The following SLC2A13 variants were observed in gnomAD, a reference collection of about 807,000 sequenced individuals.
SLC2A13 encodes the protein solute carrier family 2 member 13.
A neutral mutation model predicts 64.4 loss-of-function variants in SLC2A13; 32 were observed. That is an observed-to-expected ratio of 0.50 (90% CI 0.37 to 0.67). The LOEUF is 0.67. Among genes scored for constraint, SLC2A13 ranks in the 30% least tolerant of loss-of-function variants. The pLI is 0.00. For synonymous variants in SLC2A13, 338 were observed against 327.1 expected (o/e 1.03, Z -0.36); for missense variants, 743 against 829.2 (o/e 0.90, Z 1.28).
At chr12:39,978,236 A>C (rs940930417) in intron 3 of SLC2A13, among the ~76,000 whole-genome samples, 16 of 152,184 alleles carry the variant, frequency 1.1e-4, no homozygotes, top group African/African-American at 3.9e-4. Context: ...ATCTCCCCCA[A>C]ATGGAAGAAC....
At chr12:39,947,280 C>G (rs1368529253) in intron 4 of SLC2A13, among the ~76,000 whole-genome samples, 2 of 152,158 alleles carry the variant, frequency 1.3e-5, no homozygotes, top group African/African-American at 2.4e-5. Context: ...TTTCTTTCCC[C>G]CTTTACTACT....
intron 3 of SLC2A13, among the ~76,000 whole-genome samples, chr12:39,959,939 C>T (rs1591951373): frequency 1.3e-5 from 2 of 152,262 alleles, no homozygotes; most frequent in South Asian, 4.1e-4. Context: ...GCATTAAGTC[C>T]CAGATGCATT....
intron 4 of SLC2A13, among the ~76,000 whole-genome samples, chr12:39,936,053 C>T (rs1325753275): frequency 4.6e-5 from 7 of 152,198 alleles, no homozygotes; most frequent in African/African-American, 7.2e-5. Context: ...CTTTGAACTT[C>T]GCTGAAAGCT....
intron 7 of SLC2A13, among the ~76,000 whole-genome samples, chr12:39,794,531 C>T (rs918277992): frequency 3.3e-5 from 5 of 152,166 alleles, no homozygotes; most frequent in Admixed American, 1.3e-4. Context: ...CTCAGCCAAT[C>T]GCAGTAGCCA....
chr12:40,060,187 G>A (rs1948396562), intron 1 of SLC2A13, among the ~76,000 whole-genome samples: 1 of 152,114 alleles, frequency 6.6e-6, no homozygotes, highest in Non-Finnish European at 1.5e-5. Context: ...ATAGACAGAT[G>A]TGGAAGGATG....
At chr12:40,067,932 C>G (rs952803151) in intron 1 of SLC2A13, among the ~76,000 whole-genome samples, 2 of 152,086 alleles carry the variant, frequency 1.3e-5, no homozygotes, top group African/African-American at 4.8e-5. Context: ...AAGAAAGGGT[C>G]TCACTCTGTC....
At chr12:39,830,075 T>C in intron 7 of SLC2A13, 28 bp downstream of exon 7, 1 of 1,612,824 alleles carries the variant, frequency 6.2e-7, no homozygotes, top group Non-Finnish European at 8.5e-7. Context: ...TATTATTATA[T>C]ATTCGTATGG....
intron 3 of SLC2A13, among the ~76,000 whole-genome samples, chr12:39,992,538 C>T (rs1947153956): frequency 6.6e-6 from 1 of 152,082 alleles, no homozygotes; most frequent in African/African-American, 2.4e-5. Flanking sequence ...TTGCCACTTT[C>T]CCCTGTCACT....
chr12:39,987,179 G>T (rs1947046381), intron 3 of SLC2A13, among the ~76,000 whole-genome samples: 1 of 152,102 alleles, frequency 6.6e-6, no homozygotes, highest in Admixed American at 6.6e-5. Flanking sequence ...TGGCAAGATT[G>T]CCATGAATGA....
At chr12:39,895,015 T>G (rs1004149318) in intron 4 of SLC2A13, among the ~76,000 whole-genome samples, 1 of 152,104 alleles carries the variant, frequency 6.6e-6, no homozygotes, top group Non-Finnish European at 1.5e-5. Flanking sequence ...AGGGAAGAGA[T>G]AGAATCATAA....
intron 4 of SLC2A13, among the ~76,000 whole-genome samples, chr12:39,900,375 T>G (rs936446902): frequency 6.6e-6 from 1 of 152,092 alleles, no homozygotes; most frequent in African/African-American, 2.4e-5. Context: ...GGGGATTATA[T>G]TAGGAAAAGA....
intron 7 of SLC2A13, among the ~76,000 whole-genome samples, chr12:39,790,326 C>T (rs1004829143): frequency 3.3e-5 from 5 of 149,678 alleles, no homozygotes; most frequent in African/African-American, 9.8e-5. Context: ...CCCACTAACG[C>T]GTCATCTAGC....
At chr12:39,819,489 T>C (rs1055401946) in intron 7 of SLC2A13, among the ~76,000 whole-genome samples, 10 of 152,194 alleles carry the variant, frequency 6.6e-5, no homozygotes, top group Admixed American at 4.6e-4. Context: ...CATTATTTGA[T>C]GTTCCTAAAA....
At chr12:39,919,821 A>G (rs533041345) in intron 4 of SLC2A13, among the ~76,000 whole-genome samples, 1 of 152,240 alleles carries the variant, frequency 6.6e-6, no homozygotes, top group South Asian at 2.1e-4. Flanking sequence ...TCCTCATCCA[A>G]GTCCAGATAT....
intron 1 of SLC2A13, among the ~76,000 whole-genome samples, chr12:40,063,462 TA>T (rs11420371): frequency 1.9e-4 from 26 of 138,976 alleles, no homozygotes; most frequent in Admixed American, 4.3e-4. Flanking sequence ...TCTAAATTAG[TA>T]AAAAAAAAAA....
intron 3 of SLC2A13, among the ~76,000 whole-genome samples, chr12:40,020,006 G>A (rs1947685937): frequency 6.6e-6 from 1 of 152,172 alleles, no homozygotes; most frequent in African/African-American, 2.4e-5. Flanking sequence ...TATTCAGTAA[G>A]ATACTGATTA....
At chr12:40,074,172 T>G (rs1938075811) in intron 1 of SLC2A13, among the ~76,000 whole-genome samples, 1 of 151,244 alleles carries the variant, frequency 6.6e-6, no homozygotes, top group Non-Finnish European at 1.5e-5. Flanking sequence ...AGACATTTTT[T>G]TTTTTTTTTT....
At chr12:39,902,392 A>T (rs1230322171) in intron 4 of SLC2A13, among the ~76,000 whole-genome samples, 5 of 152,024 alleles carry the variant, frequency 3.3e-5, no homozygotes, top group African/African-American at 1.2e-4. Context: ...ATGTACATAC[A>T]CATGAAGAGA....
At chr12:39,951,756 A>G (rs868542324) in intron 3 of SLC2A13, among the ~76,000 whole-genome samples, 1 of 152,192 alleles carries the variant, frequency 6.6e-6, no homozygotes, top group African/African-American at 2.4e-5. Flanking sequence ...ATGTGGGACT[A>G]CTTAAAAGTC....
Sources: allele counts gnomAD v4.1 joint callset (sites outside exome capture counted in the v4.1 genomes callset), GRCh38; gene constraint gnomAD v4.1.1; transcripts MANE v1.5; gene names NCBI Gene and HGNC (gene_info 2026-07-23, HGNC 2026-07-21).